The following KCNQ3 variants were observed in gnomAD, a reference collection of about 807,000 sequenced individuals.
KCNQ3 encodes the protein potassium voltage-gated channel subfamily KQT member 3.
In KCNQ3, 30 loss-of-function variants were observed where a neutral mutation model predicts 92.5. The ratio of observed to expected loss-of-function variants is 0.32; its 90% CI spans 0.24 to 0.44. The LOEUF is 0.44. Among genes scored for constraint, KCNQ3 ranks in the 20% least tolerant of loss-of-function variants. The pLI is 1.00. For missense variants in KCNQ3, 913 were observed against 1,140.3 expected, an observed-to-expected ratio of 0.80 and a Z score of 2.87; for synonymous variants, 450 against 468.8, an observed-to-expected ratio of 0.96 and a Z score of 0.52.
chr8:132,466,643 C>G (rs1822178461), intron 1 of KCNQ3, among the ~76,000 whole-genome samples: 1 of 152,132 alleles, frequency 6.6e-6, no homozygotes, highest in Non-Finnish European at 1.5e-5. Context: ...CTTACCTTCC[C>G]CGATTTTACA....
intron 1 of KCNQ3, among the ~76,000 whole-genome samples, chr8:132,354,922 T>C (rs1218163753): frequency 1.3e-5 from 2 of 152,092 alleles, no homozygotes; most frequent in African/African-American, 2.4e-5. Context: ...GGGACATGGG[T>C]TCAACATCCC....
intron 1 of KCNQ3, among the ~76,000 whole-genome samples, chr8:132,426,332 G>A (rs1821107549): frequency 6.6e-6 from 1 of 152,214 alleles, no homozygotes; most frequent in African/African-American, 2.4e-5. Flanking sequence ...CATGGTTCCT[G>A]CTTATCCCTA....
At chr8:132,324,286 T>C (rs1020079862) in intron 1 of KCNQ3, among the ~76,000 whole-genome samples, 4 of 152,194 alleles carry the variant, frequency 2.6e-5, no homozygotes, top group African/African-American at 7.2e-5. Flanking sequence ...TCTAATGTCC[T>C]TCCTTGGATC....
chr8:132,150,022 G>A (rs1442141197), intron 9 of KCNQ3, among the ~76,000 whole-genome samples: 1 of 151,334 alleles, frequency 6.6e-6, no homozygotes, highest in Non-Finnish European at 1.5e-5. Context: ...ACACAGCCCT[G>A]GATTTAACCT....
intron 1 of KCNQ3, among the ~76,000 whole-genome samples, chr8:132,222,919 G>C (rs1196617199): frequency 6.6e-6 from 1 of 152,166 alleles, no homozygotes; most frequent in Non-Finnish European, 1.5e-5. Flanking sequence ...TTAAATCAAT[G>C]CCAGCTTGGA....
At chr8:132,479,628 G>GACACAC (rs71306386) in intron 1 of KCNQ3, among the ~76,000 whole-genome samples, 2,664 of 144,236 alleles carry the variant, frequency 0.018, 32 homozygotes, top group Non-Finnish European at 0.025. Context: ...ACAAGCAAGC[G>GACACAC]ACACACACAC....
At chr8:132,435,835 A>C (rs1821380133) in intron 1 of KCNQ3, among the ~76,000 whole-genome samples, 1 of 152,040 alleles carries the variant, frequency 6.6e-6, no homozygotes, top group Non-Finnish European at 1.5e-5. Flanking sequence ...CCATTTTTTC[A>C]AGAACCTCAG....
chr8:132,189,891 A>AG, intron 1 of KCNQ3, among the ~76,000 whole-genome samples: 1 of 135,630 alleles, frequency 7.4e-6, no homozygotes, highest in African/African-American at 2.6e-5. Context: ...AAATGACCAA[A>AG]AAAAAAAAAA....
At chr8:132,347,834 G>C (rs563761965) in intron 1 of KCNQ3, among the ~76,000 whole-genome samples, 1 of 151,886 alleles carries the variant, frequency 6.6e-6, no homozygotes, top group Non-Finnish European at 1.5e-5. Flanking sequence ...ACAATTAGCC[G>C]GGCCTGGTGG....
chr8:132,431,150 C>T (rs529754540), intron 1 of KCNQ3, among the ~76,000 whole-genome samples: 1 of 152,274 alleles, frequency 6.6e-6, no homozygotes, highest in Non-Finnish European at 1.5e-5. Context: ...CCTCTTGCAT[C>T]CCTTGAAACC....
chr8:132,467,169 G>T (rs963974603), intron 1 of KCNQ3, among the ~76,000 whole-genome samples: 1 of 152,182 alleles, frequency 6.6e-6, no homozygotes, highest in African/African-American at 2.4e-5. Flanking sequence ...GAGTAAATCA[G>T]CAGAAGACTC....
At chr8:132,255,689 C>A (rs546146406) in intron 1 of KCNQ3, among the ~76,000 whole-genome samples, 3 of 152,150 alleles carry the variant, frequency 2.0e-5, no homozygotes, top group Non-Finnish European at 2.9e-5. Flanking sequence ...ACACAGAGAC[C>A]TTTATCAATG....
intron 1 of KCNQ3, among the ~76,000 whole-genome samples, chr8:132,232,205 A>G (rs927362435): frequency 1.3e-5 from 2 of 152,188 alleles, no homozygotes; most frequent in African/African-American, 4.8e-5. Flanking sequence ...AAGGCACTTC[A>G]AGCATTACTG....
chr8:132,200,804 T>C (rs117582945), intron 1 of KCNQ3, among the ~76,000 whole-genome samples: 139 of 152,330 alleles, frequency 9.1e-4, no homozygotes, highest in Admixed American at 1.4e-3. Flanking sequence ...ATCTTCTCCT[T>C]AGTGGTTTTT....
At chr8:132,414,020 G>C (rs997680930) in intron 1 of KCNQ3, among the ~76,000 whole-genome samples, 1 of 152,196 alleles carries the variant, frequency 6.6e-6, no homozygotes, top group East Asian at 1.9e-4. Context: ...GGTGCAGCCT[G>C]GAGAAGCACC....
chr8:132,410,410 G>T (rs982821610), intron 1 of KCNQ3, among the ~76,000 whole-genome samples: 6 of 152,168 alleles, frequency 3.9e-5, no homozygotes, highest in African/African-American at 1.4e-4. Flanking sequence ...GACAAAGAGG[G>T]AAAGATGTTG....
chr8:132,186,150 C>A lies in KCNQ3; in HGVS notation c.418G>T (p.Ala140Ser), dbSNP rs1826949162. Residue 140 changes from alanine to serine, a missense_variant, in exon 2 of 15, where the codon GCT becomes TCT. Coordinates refer to ENST00000388996, the MANE Select transcript of KCNQ3 (RefSeq NM_004519.4). ...TACTCCTTGAATGTGGTCAGGACAG[C>A]CAGAATCAAGCACCCCAGGACAATC... ...FLIVLGCLIL[A>S]VLTTFKEYET... The A allele has an allele frequency of 6.2e-7, 1 of 1,613,640 alleles. No individual in the cohort carries two copies. The highest frequency in any genetic ancestry group is 8.5e-7 in the Non-Finnish European group (1 of 1,179,734).
At chr8:132,392,542 A>G (rs190173167) in intron 1 of KCNQ3, among the ~76,000 whole-genome samples, 12 of 151,922 alleles carry the variant, frequency 7.9e-5, no homozygotes, top group African/African-American at 2.9e-4. Flanking sequence ...TCTCAACTCT[A>G]TATTCAAACC....
At chr8:132,368,917 C>T (rs1266448070) in intron 1 of KCNQ3, among the ~76,000 whole-genome samples, 2 of 151,572 alleles carry the variant, frequency 1.3e-5, no homozygotes, top group African/African-American at 2.4e-5. Context: ...TTTACTGACC[C>T]TTTTTTCTGA....
Sources: gnomAD v4.1 joint callset for allele counts (sites outside exome capture counted in the v4.1 genomes callset) on GRCh38, gnomAD v4.1.1 for gene constraint, MANE v1.5 for transcripts, NCBI Gene and HGNC (gene_info 2026-07-23, HGNC 2026-07-21) for gene names.